The following GAS7 variants were observed in gnomAD, a reference collection of about 807,000 sequenced individuals.
The protein encoded by GAS7 is growth arrest specific 7.
GAS7 carries 28 observed loss-of-function variants against 71.1 expected under a neutral mutation model. The observed-to-expected ratio is 0.39, with a 90% confidence interval of 0.29 to 0.54. GAS7 has a LOEUF of 0.54. GAS7 is among the 20% of genes least tolerant of loss of function. GAS7 has a pLI of 0.62. For synonymous variants in GAS7, 258 were observed against 245.8 expected (o/e 1.05, Z -0.46); for missense variants, 436 against 627.8 (o/e 0.69, Z 3.27).
chr17:10,000,957 C>G (rs1289232149), intron 2 of GAS7, among the ~76,000 whole-genome samples: 1 of 152,148 alleles, frequency 6.6e-6, no homozygotes, highest in African/African-American at 2.4e-5. Context: ...CACTCCTTCT[C>G]CAGTGGCAGA....
intron 1 of GAS7, among the ~76,000 whole-genome samples, chr17:10,154,044 T>C (rs569331669): frequency 1.8e-4 from 27 of 152,206 alleles, no homozygotes; most frequent in Admixed American, 4.6e-4. Flanking sequence ...GTAATCTGGA[T>C]CTATAATTCC....
In GAS7 at chr17:9,914,698, G is replaced by T; in HGVS notation, c.*2530C>A. ...TATATTATAATAAAGAATCCCAGAG[G>T]GTTAAGTGTGGAGAGGGTACAATGT... On this transcript the variant is annotated 3_prime_UTR_variant, in exon 14 of 14. Transcript: ENST00000432992. 4.5e-6 allele frequency: 1 copy of T among 220,300 alleles called. No individual in the cohort carries two copies. The highest frequency in any genetic ancestry group is 5.8e-5 in the Admixed American group (1 of 17,352). The allele number at this position is 220,300 out of a possible 1,614,324, so 13.6% of individuals were successfully genotyped here.
At chr17:10,170,739 C>T (rs970781396) in intron 1 of GAS7, among the ~76,000 whole-genome samples, 1 of 152,254 alleles carries the variant, frequency 6.6e-6, no homozygotes, top group Admixed American at 6.5e-5. Flanking sequence ...ACGGCTGGCA[C>T]TGAACGAGCG....
chr17:10,088,465 G>A (rs1163761954), intron 1 of GAS7, among the ~76,000 whole-genome samples: 1 of 151,964 alleles, frequency 6.6e-6, no homozygotes, highest in African/African-American at 2.4e-5. Context: ...AGGAAAAGGG[G>A]ACTCGAGCAT....
chr17:10,044,471 C>T (rs79718466), intron 1 of GAS7, among the ~76,000 whole-genome samples: 13,365 of 152,224 alleles, frequency 0.088, 1,313 homozygotes, highest in African/African-American at 0.24. Flanking sequence ...TGGTGCCATA[C>T]ACAGTCTGAG....
intron 2 of GAS7, among the ~76,000 whole-genome samples, chr17:9,997,430 T>C (rs1484374692): frequency 6.6e-6 from 1 of 152,038 alleles, no homozygotes; most frequent in African/African-American, 2.4e-5. Context: ...ACATAAAAAA[T>C]GACAACCATT....
intron 1 of GAS7, among the ~76,000 whole-genome samples, chr17:10,045,320 G>A (rs1284136296): frequency 6.6e-6 from 1 of 152,202 alleles, no homozygotes; most frequent in African/African-American, 2.4e-5. Flanking sequence ...CTCCCGTGAG[G>A]TGACTGCAGC....
intron 1 of GAS7, among the ~76,000 whole-genome samples, chr17:10,033,387 C>T (rs1289953707): frequency 6.6e-6 from 1 of 152,180 alleles, no homozygotes; most frequent in Non-Finnish European, 1.5e-5. Flanking sequence ...TATTAAGCTG[C>T]AAAGCCCCCA....
intron 3 of GAS7, among the ~76,000 whole-genome samples, chr17:9,978,736 T>A (rs1208856228): frequency 6.6e-6 from 1 of 152,100 alleles, no homozygotes; most frequent in Non-Finnish European, 1.5e-5. Context: ...GATATTAATA[T>A]GTCAGGGGAA....
intron 3 of GAS7, among the ~76,000 whole-genome samples, chr17:9,977,545 T>C (rs980933469): frequency 2.6e-5 from 4 of 152,204 alleles, no homozygotes; most frequent in African/African-American, 9.7e-5. Flanking sequence ...TGTTCTGTTT[T>C]GGTTTAAAGT....
At chr17:9,945,452 C>T (rs1228223495) in intron 6 of GAS7, among the ~76,000 whole-genome samples, 1 of 152,078 alleles carries the variant, frequency 6.6e-6, no homozygotes, top group African/African-American at 2.4e-5. Context: ...CCTCTGAGCT[C>T]ACCTGCCCAG....
intron 1 of GAS7, among the ~76,000 whole-genome samples, chr17:10,124,595 C>A (rs1026308600): frequency 2.0e-5 from 3 of 152,170 alleles, no homozygotes; most frequent in African/African-American, 7.2e-5. Flanking sequence ...ACTGGATATT[C>A]TCAAGGACTT....
intron 5 of GAS7, among the ~76,000 whole-genome samples, chr17:9,955,356 A>G (rs1567818587): frequency 6.6e-6 from 1 of 152,268 alleles, no homozygotes; most frequent in Non-Finnish European, 1.5e-5. Flanking sequence ...CCTCCCAGGC[A>G]TAGCAGGAGC....
intron 1 of GAS7, among the ~76,000 whole-genome samples, chr17:10,032,067 G>C (rs1324728493): frequency 2.7e-5 from 4 of 146,102 alleles, no homozygotes; most frequent in Non-Finnish European, 6.0e-5. Context: ...GGGAAGCAGG[G>C]ACTGCTTCCC....
chr17:10,051,710 T>A (rs2073064728), intron 1 of GAS7, among the ~76,000 whole-genome samples: 2 of 152,150 alleles, frequency 1.3e-5, no homozygotes, highest in African/African-American at 4.8e-5. Context: ...TGCAAGACCC[T>A]GGCAAACTTC....
intron 1 of GAS7, among the ~76,000 whole-genome samples, chr17:10,078,052 G>GTT (rs2073414347): frequency 3.4e-5 from 4 of 116,830 alleles, no homozygotes; most frequent in Middle Eastern, 3.4e-3. Flanking sequence ...TGTTTTTTCT[G>GTT]TTGTGTGTGT....
intron 2 of GAS7, among the ~76,000 whole-genome samples, chr17:10,005,128 A>G (rs1208349846): frequency 9.4e-6 from 1 of 106,406 alleles, no homozygotes; most frequent in African/African-American, 5.7e-5. Flanking sequence ...CACGCATACC[A>G]GCATGTGTGC....
chr17:10,124,239 T>A (rs1390267193), intron 1 of GAS7, among the ~76,000 whole-genome samples: 1 of 152,098 alleles, frequency 6.6e-6, no homozygotes, highest in Non-Finnish European at 1.5e-5. Flanking sequence ...AAGGTGGACA[T>A]GGAAATGACA....
intron 1 of GAS7, among the ~76,000 whole-genome samples, chr17:10,025,984 T>C (rs1375613398): frequency 6.6e-6 from 1 of 152,114 alleles, no homozygotes; most frequent in Non-Finnish European, 1.5e-5. Context: ...ATAAACTATT[T>C]AACAGACGGT....
Sources: allele counts gnomAD v4.1 joint callset (sites outside exome capture counted in the v4.1 genomes callset), GRCh38; gene constraint gnomAD v4.1.1; transcripts MANE v1.5; gene names NCBI Gene and HGNC (gene_info 2026-07-23, HGNC 2026-07-21).